GUCY1A2: variants seen among roughly 807,000 people sequenced by gnomAD.
GUCY1A2 encodes the protein guanylate cyclase 1 soluble subunit alpha 2.
A neutral mutation model predicts 63.5 loss-of-function variants in GUCY1A2; 27 were observed. The ratio of observed to expected loss-of-function variants is 0.43; its 90% CI spans 0.31 to 0.59. GUCY1A2 has a LOEUF of 0.59. Among genes scored for constraint, GUCY1A2 ranks in the 20% least tolerant of loss-of-function variants. GUCY1A2 has a pLI of 0.11. For synonymous variants in GUCY1A2, 364 were observed against 343.5 expected (o/e 1.06, Z -0.66); for missense variants, 768 against 913.3 (o/e 0.84, Z 2.05).
intron 6 of GUCY1A2, among the ~76,000 whole-genome samples, chr11:106,720,789 A>G (rs1352612401): frequency 6.6e-6 from 1 of 152,202 alleles, no homozygotes; most frequent in Non-Finnish European, 1.5e-5. Flanking sequence ...GTGGTGTCCT[A>G]GATGGGACCT....
Position 106,679,064 on chromosome 11 carries a change from T to G in GUCY1A2, c.*8485A>C, listed in dbSNP as rs1004329760. 6 of 186,452 alleles carry G rather than the reference T, an allele frequency of 3.2e-5. No homozygotes were observed. Among genetic ancestry groups the G allele is most frequent in the Non-Finnish European group, 6.8e-5 (6 of 88,214 alleles). The allele number at this position is 186,452 out of a possible 1,614,324, so 11.5% of individuals were successfully genotyped here. ...TTTCAAAAGTCTCTGACATTCTAAGTTTTGGATATGAGTGAGTTGACTCTT... is the reference window on the plus strand; with the variant it reads ...TTTCAAAAGTCTCTGACATTCTAAGGTTTGGATATGAGTGAGTTGACTCTT... On this transcript the variant is annotated 3_prime_UTR_variant, in exon 8 of 8. Coordinates refer to ENST00000526355, the MANE Select transcript of GUCY1A2 (RefSeq NM_000855.3).
At chr11:106,942,532 T>G (rs1174424695) in intron 3 of GUCY1A2, among the ~76,000 whole-genome samples, 1 of 132,194 alleles carries the variant, frequency 7.6e-6, no homozygotes, top group African/African-American at 2.5e-5. Context: ...TATGCTGAAC[T>G]ACAATATTCC....
intron 1 of GUCY1A2, among the ~76,000 whole-genome samples, chr11:106,990,787 C>G (rs1861461023): frequency 6.6e-6 from 1 of 152,158 alleles, no homozygotes; most frequent in African/African-American, 2.4e-5. Context: ...CACTAGATGC[C>G]TTTGAGGCTC....
At chr11:106,783,140 T>C (rs1195790257) in intron 5 of GUCY1A2, among the ~76,000 whole-genome samples, 1 of 152,164 alleles carries the variant, frequency 6.6e-6, no homozygotes, top group African/African-American at 2.4e-5. Flanking sequence ...CATAAAGACC[T>C]ACATCAAAGA....
chr11:106,795,277 T>C lies in GUCY1A2; in HGVS notation c.1692+14716A>G, dbSNP rs543804974. On this transcript the variant is annotated intron_variant, in intron 5 of 7. Coordinates refer to ENST00000526355, the MANE Select transcript of GUCY1A2 (RefSeq NM_000855.3). ...CAACTACAACAGTCCTCATCTGGGC[T>C]CTCTCTGATCGTCAAAGGACCTTAT... is the stretch of plus-strand genomic sequence containing the variant. Among the ~76,000 whole-genome samples the C allele has an allele frequency of 3.3e-5, 5 of 152,258 alleles. No homozygotes were observed. In the South Asian group the frequency reaches 1.0e-3, roughly 32 times the overall value.
chr11:106,945,967 AAAAC>A (rs757093940), intron 3 of GUCY1A2, among the ~76,000 whole-genome samples: 1 of 152,204 alleles, frequency 6.6e-6, no homozygotes, highest in Non-Finnish European at 1.5e-5. Flanking sequence ...CCCATCTCAA[AAAAC>A]AAACAAACAA....
chr11:106,951,155 G>A (rs891518843), intron 3 of GUCY1A2, among the ~76,000 whole-genome samples: 76 of 152,078 alleles, frequency 5.0e-4, no homozygotes, highest in Non-Finnish European at 1.8e-4. Flanking sequence ...TGGACATTTG[G>A]GTTGGTTCCA....
At chr11:106,938,399 A>T (rs1286655140) in intron 4 of GUCY1A2, among the ~76,000 whole-genome samples, 1 of 152,182 alleles carries the variant, frequency 6.6e-6, no homozygotes, top group Non-Finnish European at 1.5e-5. Flanking sequence ...TTATTCCAGA[A>T]TATGTATATT....
At chr11:106,886,657 T>G (rs1256027788) in intron 4 of GUCY1A2, among the ~76,000 whole-genome samples, 2 of 152,094 alleles carry the variant, frequency 1.3e-5, no homozygotes, top group Non-Finnish European at 2.9e-5. Flanking sequence ...ATGTTTAATT[T>G]GAAATAAAAC....
chr11:106,746,683 C>A (rs749781391), intron 6 of GUCY1A2: 10 of 1,189,112 alleles, frequency 8.4e-6, no homozygotes, highest in Non-Finnish European at 1.2e-5. Flanking sequence ...AATCAAGGGA[C>A]AAAAATAAAA....
At chr11:106,897,224 A>G (rs1445372859) in intron 4 of GUCY1A2, among the ~76,000 whole-genome samples, 1 of 152,182 alleles carries the variant, frequency 6.6e-6, no homozygotes, top group Non-Finnish European at 1.5e-5. Flanking sequence ...GAGAGAGTCT[A>G]TGTTCATAAA....
intron 4 of GUCY1A2, among the ~76,000 whole-genome samples, chr11:106,848,069 C>T (rs147026561): frequency 1.3e-4 from 19 of 151,586 alleles, no homozygotes; most frequent in Middle Eastern, 6.8e-3. Flanking sequence ...AAGTTTATTA[C>T]GCAGAAATTT....
chr11:106,726,478 A>G (rs1345797637), intron 6 of GUCY1A2, among the ~76,000 whole-genome samples: 1 of 152,194 alleles, frequency 6.6e-6, no homozygotes, highest in Non-Finnish European at 1.5e-5. Context: ...ATATTGGGTA[A>G]GCAAGCAAAA....
At chr11:106,719,006 A>G (rs1863267254) in intron 6 of GUCY1A2, among the ~76,000 whole-genome samples, 1 of 152,152 alleles carries the variant, frequency 6.6e-6, no homozygotes, top group Non-Finnish European at 1.5e-5. Context: ...CACTTATTCT[A>G]CTAATCACAT....
At position 106,884,088 on chromosome 11, in the gene GUCY1A2, G is replaced by A. The variant is rs149557355; in HGVS notation, c.1206+55372C>T. ...AGGAGATACACCTAATATAAATGACGAGTTAACAGGTGCAGCACACCAACA... is the reference window on the plus strand; with the variant it reads ...AGGAGATACACCTAATATAAATGACAAGTTAACAGGTGCAGCACACCAACA... On this transcript the variant is annotated intron_variant, in intron 4 of 7. Coordinates refer to ENST00000526355, the MANE Select transcript of GUCY1A2 (RefSeq NM_000855.3). Among the ~76,000 whole-genome samples, 146 of 152,160 alleles carry A rather than the reference G, an allele frequency of 9.6e-4. 1 individual carries two copies. In the East Asian group the frequency reaches 0.025, roughly 26 times the overall value.
intron 4 of GUCY1A2, among the ~76,000 whole-genome samples, chr11:106,847,103 A>G (rs1859283708): frequency 6.6e-6 from 1 of 151,298 alleles, no homozygotes; most frequent in Non-Finnish European, 1.5e-5. Flanking sequence ...TATAAAAACC[A>G]TAGTTATACA....
chr11:106,956,182 T>C (rs1860981822), intron 3 of GUCY1A2, among the ~76,000 whole-genome samples: 1 of 151,868 alleles, frequency 6.6e-6, no homozygotes, highest in African/African-American at 2.4e-5. Context: ...TAGTTAGCAA[T>C]TCCTTTTATC....
At chr11:107,007,976 G>C (rs1162914930) in intron 1 of GUCY1A2, among the ~76,000 whole-genome samples, 3 of 149,366 alleles carry the variant, frequency 2.0e-5, no homozygotes, top group African/African-American at 7.3e-5. Context: ...GTGTCTACAG[G>C]CATTTTAAGA....
chr11:106,818,180 C>A (rs1298183478), intron 4 of GUCY1A2, among the ~76,000 whole-genome samples: 2 of 152,142 alleles, frequency 1.3e-5, no homozygotes, highest in Non-Finnish European at 2.9e-5. Context: ...TTGCCCTTTG[C>A]AGATATTGCA....
Sources: gnomAD v4.1 joint callset for allele counts (sites outside exome capture counted in the v4.1 genomes callset) on GRCh38, gnomAD v4.1.1 for gene constraint, MANE v1.5 for transcripts, NCBI Gene and HGNC (gene_info 2026-07-23, HGNC 2026-07-21) for gene names.